The following DTD1 variants were observed in gnomAD, a reference collection of about 807,000 sequenced individuals.
DTD1 encodes D-tyrosyl-tRNA deacylase 1 homolog.
DTD1 carries 13 observed loss-of-function variants against 25.6 expected under a neutral mutation model. The observed-to-expected ratio is 0.51, with a 90% CI of 0.33 to 0.81. DTD1 has a LOEUF of 0.81. DTD1 is among the 30% of genes least tolerant of loss of function. The pLI, the probability that DTD1 is intolerant of heterozygous loss-of-function variation, is 0.02. For synonymous variants in DTD1, 110 were observed against 103.6 expected (o/e 1.06, Z -0.37); for missense variants, 193 against 266.4 (o/e 0.72, Z 1.92).
At chr20:18,673,998 T>C (rs1267915334) in intron 4 of DTD1, among the ~76,000 whole-genome samples, 1 of 152,232 alleles carries the variant, frequency 6.6e-6, no homozygotes, top group Non-Finnish European at 1.5e-5. Flanking sequence ...TTTTCTTAAA[T>C]GACCAAACCA....
intron 4 of DTD1, among the ~76,000 whole-genome samples, chr20:18,690,136 T>TAAAA (rs74180929): frequency 1.5e-5 from 2 of 129,862 alleles, no homozygotes; most frequent in Non-Finnish European, 3.2e-5. Context: ...ACCCTGTCTC[T>TAAAA]AAAAAAAAAA....
At chr20:18,681,450 C>T (rs1329904192) in intron 4 of DTD1, among the ~76,000 whole-genome samples, 2 of 152,170 alleles carry the variant, frequency 1.3e-5, no homozygotes, top group African/African-American at 4.8e-5. Flanking sequence ...AGGTTTATCC[C>T]ATTGGAAATT....
chr20:18,608,841 G>A (rs1242588333), intron 3 of DTD1, among the ~76,000 whole-genome samples: 2 of 152,122 alleles, frequency 1.3e-5, no homozygotes, highest in East Asian at 1.9e-4. Context: ...CTGGTTTTCA[G>A]GAGAACTGTG....
At chr20:18,629,963 T>G (rs2060777966) in intron 4 of DTD1, among the ~76,000 whole-genome samples, 1 of 152,012 alleles carries the variant, frequency 6.6e-6, no homozygotes, top group African/African-American at 2.4e-5. Context: ...ACCAGGCCCC[T>G]CCTCCAATGC....
intron 5 of DTD1, among the ~76,000 whole-genome samples, chr20:18,748,352 G>C (rs1191753086): frequency 1.3e-5 from 2 of 152,114 alleles, no homozygotes; most frequent in Non-Finnish European, 2.9e-5. Flanking sequence ...TCTGATCAGT[G>C]CTTTGAAAAT....
chr20:18,691,075 A>T (rs2061045061), intron 4 of DTD1, among the ~76,000 whole-genome samples: 1 of 152,220 alleles, frequency 6.6e-6, no homozygotes, highest in Admixed American at 6.5e-5. Context: ...ACCATCTCAC[A>T]TCAGTCTAAA....
chr20:18,714,983 A>G (rs2061174515), intron 4 of DTD1, among the ~76,000 whole-genome samples: 1 of 152,122 alleles, frequency 6.6e-6, no homozygotes, highest in Non-Finnish European at 1.5e-5. Flanking sequence ...GTTCCAGTGC[A>G]CAGGCCTTTC....
At chr20:18,708,242 A>AT (rs373880898) in intron 4 of DTD1, among the ~76,000 whole-genome samples, 20,166 of 31,532 alleles carry the variant, frequency 0.64, 5,041 homozygotes, top group Middle Eastern at 0.7. Context: ...TTATATATAT[A>AT]TAATATATAT....
At chr20:18,610,501 CT>C (rs2060682370) in intron 3 of DTD1, among the ~76,000 whole-genome samples, 1 of 152,146 alleles carries the variant, frequency 6.6e-6, no homozygotes, top group Admixed American at 6.5e-5. Context: ...TATAATACAT[CT>C]GATCATTTTG....
chr20:18,697,608 C>T (rs76635238), intron 4 of DTD1, among the ~76,000 whole-genome samples: 3,456 of 152,314 alleles, frequency 0.023, 78 homozygotes, highest in African/African-American at 0.045. Flanking sequence ...AGGATCGTGT[C>T]TGTTCTCAAA....
chr20:18,590,401 C>T lies in DTD1; in HGVS notation c.43+2286C>T, dbSNP rs562888154. On this transcript the variant is annotated intron_variant, in intron 1 of 5. Coordinates refer to ENST00000377452, the MANE Select transcript of DTD1 (RefSeq NM_080820.6). ...TATTCAATTTATGTGATTGGTCAAA[C>T]ACATTTTTTTTTATAGTAACCCTGT... Among the ~76,000 whole-genome samples the T allele has an allele frequency of 3.0e-5, 4 of 135,134 alleles. No individual in the cohort carries two copies. In the South Asian group the frequency reaches 1.0e-3, roughly 35 times the overall value. 88.7% of individuals were successfully genotyped at this position (135,134 alleles called of 152,430 possible).
At chr20:18,716,451 T>A (rs2061180998) in intron 4 of DTD1, among the ~76,000 whole-genome samples, 1 of 152,214 alleles carries the variant, frequency 6.6e-6, no homozygotes, top group Non-Finnish European at 1.5e-5. Context: ...CACCCGCAGG[T>A]GGCTGCCGGG....
At chr20:18,736,076 AG>A (rs1394999069) in intron 4 of DTD1, among the ~76,000 whole-genome samples, 2 of 152,284 alleles carry the variant, frequency 1.3e-5, no homozygotes, top group East Asian at 1.9e-4. Context: ...CCTTCCTTTC[AG>A]GGATTTCCGG....
At chr20:18,710,887 C>T (rs2061155958) in intron 4 of DTD1, among the ~76,000 whole-genome samples, 1 of 152,178 alleles carries the variant, frequency 6.6e-6, no homozygotes, top group African/African-American at 2.4e-5. Context: ...CCTGTGTTCT[C>T]TCCTTTGGCC....
chr20:18,664,497 G>A (rs6075389), intron 4 of DTD1, among the ~76,000 whole-genome samples: 47,698 of 151,936 alleles, frequency 0.31, 8,018 homozygotes, highest in Non-Finnish European at 0.38. Context: ...TAATGTCCTC[G>A]GTGATGGGAA....
intron 4 of DTD1, among the ~76,000 whole-genome samples, chr20:18,628,506 G>A (rs2060768963): frequency 6.6e-6 from 1 of 152,098 alleles, no homozygotes; most frequent in South Asian, 2.1e-4. Context: ...CCCTTCCCTT[G>A]GCCAGGTGCC....
chr20:18,622,621 T>C (rs1326287082), intron 3 of DTD1, among the ~76,000 whole-genome samples: 1 of 152,230 alleles, frequency 6.6e-6, no homozygotes, highest in Non-Finnish European at 1.5e-5. Context: ...GTGTTGTTAG[T>C]GTAGAATTTT....
chr20:18,615,772 T>C (rs1219931511), intron 3 of DTD1, among the ~76,000 whole-genome samples: 1 of 152,154 alleles, frequency 6.6e-6, no homozygotes, highest in Non-Finnish European at 1.5e-5. Context: ...ATCTAAGAGC[T>C]AGAGAAATGT....
intron 3 of DTD1, among the ~76,000 whole-genome samples, chr20:18,608,911 T>C (rs2060674393): frequency 6.6e-6 from 1 of 152,224 alleles, no homozygotes; most frequent in Non-Finnish European, 1.5e-5. Flanking sequence ...TTTCTGGGGA[T>C]AAATTGCACT....
Sources: allele counts gnomAD v4.1 joint callset (sites outside exome capture counted in the v4.1 genomes callset), GRCh38; gene constraint gnomAD v4.1.1; transcripts MANE v1.5; gene names NCBI Gene and HGNC (gene_info 2026-07-23, HGNC 2026-07-21).